Variants in SLC38A10 observed in about 807,000 individuals in gnomAD.
SLC38A10 encodes the protein Sodium-coupled neutral amino acid transporter 10.
A neutral mutation model predicts 81.0 loss-of-function variants in SLC38A10; 53 were observed. The ratio of observed to expected loss-of-function variants is 0.65; its 90% confidence interval spans 0.53 to 0.82. The LOEUF (loss-of-function observed/expected upper bound fraction) is 0.82. Ranked by LOEUF, SLC38A10 falls within the 40% of genes least tolerant of loss-of-function variation. The probability of loss-of-function intolerance (pLI) is 0.00; values close to 1 mark genes in which losing one functional copy is unlikely to be tolerated. For missense variants in SLC38A10, 1,471 were observed against 1,545.0 expected, an observed-to-expected ratio of 0.95 and a Z score of 0.80; for synonymous variants, 665 against 655.3, an observed-to-expected ratio of 1.01 and a Z score of -0.23.
intron 6 of SLC38A10, chr17:81,280,270 C>T: frequency 2.2e-6 from 1 of 452,130 alleles, no homozygotes; most frequent in South Asian, 1.8e-5. Context: ...ATTCTCAGAA[C>T]AGCTAAATTC....
chr17:81,283,293 T>C lies in SLC38A10; in HGVS notation c.357+116A>G. 3.3e-6 allele frequency: 3 copies of C among 899,668 alleles called. No individual in the cohort carries two copies. Among genetic ancestry groups the C allele is most frequent in the Non-Finnish European group, 5.2e-6 (3 of 576,284 alleles). 55.7% of individuals were successfully genotyped at this position (899,668 alleles called of 1,614,324 possible). A position where few individuals can be genotyped will look rare whatever the true frequency, so the allele number is the denominator to read the frequency against. On this transcript the variant is annotated intron_variant, in intron 4 of 15. Transcript: ENST00000374759. This position sits in a 1 kb window ranked among gnomAD's most constrained non-coding sequence, Gnocchi z 4.7. ...CCAAGCCCCTAGAATGACAGCAGGC[T>C]CGACAGAAGCTTCTCCCGACCAGCA...
Position 81,246,688 on chromosome 17 carries a change from G to A in SLC38A10, c.2243-15C>T, listed in dbSNP as rs368117868. The A allele has an allele frequency of 9.3e-5, 140 of 1,501,512 alleles. No homozygotes were observed. The highest frequency in any genetic ancestry group is 2.3e-4 in the East Asian group (10 of 42,970). 93.0% of individuals were successfully genotyped at this position (1,501,512 alleles called of 1,614,324 possible). On this transcript the variant is annotated splice_polypyrimidine_tract_variant and intron_variant, in intron 15 of 15. Coordinates refer to ENST00000374759, the MANE Select transcript of SLC38A10 (RefSeq NM_001037984.3). Reference sequence around the variant, plus strand: ...ATGCACCTCCACTGCAAATGAAGTCGGTCATCAATTTAGCCACAGCACTGT... The same window carrying A: ...ATGCACCTCCACTGCAAATGAAGTCAGTCATCAATTTAGCCACAGCACTGT...
chr17:81,260,106 G>T, intron 11 of SLC38A10, 132 bp downstream of exon 11: 2 of 1,147,096 alleles, frequency 1.7e-6, no homozygotes, highest in Non-Finnish European at 2.4e-6. Context: ...GAGGCTGGTG[G>T]CCCCACCCTG....
chr17:81,291,982 C>T (rs1469660168), intron 1 of SLC38A10, among the ~76,000 whole-genome samples: 1 of 152,194 alleles, frequency 6.6e-6, no homozygotes, highest in Admixed American at 6.5e-5. Context: ...GGGAGCTAGT[C>T]ACACGGGTTT....
intron 4 of SLC38A10, 141 bp from the exon 5 acceptor site, chr17:81,282,473 G>A (rs1349517269): frequency 3.3e-6 from 4 of 1,204,900 alleles, no homozygotes; most frequent in Non-Finnish European, 4.6e-6. Context: ...TCTGAGGCTG[G>A]CACACTCGCC....
intron 1 of SLC38A10, among the ~76,000 whole-genome samples, chr17:81,290,380 T>C (rs984056300): frequency 1.3e-5 from 2 of 152,174 alleles, no homozygotes; most frequent in Non-Finnish European, 2.9e-5. Context: ...AACAAGCGAA[T>C]GGATACAAAC....
In SLC38A10 at chr17:81,253,275, C is replaced by A. The variant is rs72860029; in HGVS notation, c.1289-35G>T. 5 of 1,604,678 alleles carry A rather than the reference C, an allele frequency of 3.1e-6. No homozygotes were observed. Among genetic ancestry groups the A allele is most frequent in the East Asian group, 2.2e-5 (1 of 44,644 alleles). On this transcript the variant is annotated intron_variant, in intron 11 of 15. Transcript: ENST00000374759. This position sits in a 1 kb window ranked among gnomAD's most constrained non-coding sequence, Gnocchi z 4.1. ...GGGCACAGTTAGGGAACTGCACTGC[C>A]AAGCAGCTCCAGGAGCGGGGCAGCT...
Position 81,253,255 on chromosome 17 carries a change from C to T in SLC38A10, c.1289-15G>A, listed in dbSNP as rs1468297064. 2 of 1,612,982 alleles carry T rather than the reference C, an allele frequency of 1.2e-6. No homozygotes were observed. The highest frequency in any genetic ancestry group is 1.7e-6 in the Non-Finnish European group (2 of 1,179,686). The stretch of plus-strand genomic sequence containing the variant: ...CGGATCCTGGGCTGGGAGCAGGGCA[C>T]AGTTAGGGAACTGCACTGCCAAGCA... On this transcript the variant is annotated splice_polypyrimidine_tract_variant and intron_variant, in intron 11 of 15. Transcript: ENST00000374759. This position sits in a 1 kb window ranked among gnomAD's most constrained non-coding sequence, Gnocchi z 4.1.
At position 81,246,828 on chromosome 17, in the gene SLC38A10, G is replaced by A; in HGVS notation, c.2242+57C>T. 9.8e-6 allele frequency: 15 copies of A among 1,532,312 alleles called. 1 individual carries two copies. The South Asian group carries it at 1.9e-4, about 19-fold the overall frequency. The allele number at this position is 1,532,312 out of a possible 1,614,324, so 94.9% of individuals were successfully genotyped here. Reference sequence around the variant, plus strand: ...CGAGCCTCAGACCCAGCCGCATGAGGACAGCAGGAGACCCCCTGCCTGGCC... The same window carrying A: ...CGAGCCTCAGACCCAGCCGCATGAGAACAGCAGGAGACCCCCTGCCTGGCC... On this transcript the variant is annotated intron_variant, in intron 15 of 15. Coordinates refer to ENST00000374759, the MANE Select transcript of SLC38A10 (RefSeq NM_001037984.3).
chr17:81,246,740 G>A, intron 15 of SLC38A10, 67 bp from the exon 16 acceptor site: 1 of 1,500,516 alleles, frequency 6.7e-7, no homozygotes, highest in South Asian at 1.4e-5. Flanking sequence ...GAGGGGCTCA[G>A]AAGAACCAGC....
rs374260593 is a variant in SLC38A10 at position 81,282,176 on chromosome 17, G to A, written c.501+13C>T. 1,052 of 1,612,398 alleles carry A rather than the reference G, an allele frequency of 6.5e-4. 2 individuals are homozygous for A. Among genetic ancestry groups the A allele is most frequent in the Non-Finnish European group, 8.1e-4 (959 of 1,179,192 alleles). On this transcript the variant is annotated intron_variant, in intron 5 of 15. Transcript: ENST00000374759. ...AGCCTTTCAGCGGGTACCCACGCGC[G>A]CTGCCGACTCACCACGAACATGAAC...
chr17:81,270,889 G>A lies in SLC38A10; in HGVS notation c.1131+29C>T, dbSNP rs757963119. 2.4e-5 allele frequency: 39 copies of A among 1,604,786 alleles called. No individual in the cohort carries two copies. Among genetic ancestry groups the A allele is most frequent in the Non-Finnish European group, 3.2e-5 (37 of 1,172,094 alleles). On this transcript the variant is annotated intron_variant, in intron 10 of 15. Transcript: ENST00000374759. The surrounding 1 kb of genome is among the most constrained non-coding windows in gnomAD (Gnocchi z 4.0). Reference sequence around the variant, plus strand: ...CCCCAGCCCAGACCCATCAGCCCTCGTCCAGGCCACCCCACGAGCAGCACG... The same window carrying A: ...CCCCAGCCCAGACCCATCAGCCCTCATCCAGGCCACCCCACGAGCAGCACG...
chr17:81,247,330 T>C (rs2062861852), intron 14 of SLC38A10: 1 of 349,534 alleles, frequency 2.9e-6, no homozygotes, highest in Non-Finnish European at 5.2e-6. Flanking sequence ...CCAGCCACTG[T>C]GCCGCATCAG....
chr17:81,250,845 C>A (rs1161392986), intron 14 of SLC38A10: 1 of 1,022,648 alleles, frequency 9.8e-7, no homozygotes, highest in African/African-American at 1.7e-5. Flanking sequence ...AAAAAGCCAA[C>A]AGCTGAGACC....
chr17:81,256,176 G>A (rs1211182864), intron 11 of SLC38A10, among the ~76,000 whole-genome samples: 3 of 152,270 alleles, frequency 2.0e-5, no homozygotes, highest in Non-Finnish European at 4.4e-5. Context: ...AGCCACGGCG[G>A]AGGCGGATCC....
In SLC38A10 at chr17:81,246,293, C is replaced by T. The variant is rs745796445; in HGVS notation, c.2623G>A (p.Ala875Thr). Residue 875 changes from alanine to threonine, a missense_variant, in exon 16 of 16, where the codon GCA becomes ACA. Ala to Thr is a moderately conservative substitution (Grantham distance 58). This residue lies in a region of SLC38A10 where 751 missense variants were observed against 717.4 expected (regional missense o/e 1.05). Coordinates refer to ENST00000374759, the MANE Select transcript of SLC38A10 (RefSeq NM_001037984.3). ...TGACTTTGCCCAGGGAATTCCTCTG[C>T]GAGGCGCTCCTCTGGGCCCCCGGCT... is the stretch of plus-strand genomic sequence containing the variant. The part of the protein sequence containing the change: ...REAGGPEERL[A>T]EEFPGQSQDV... The T allele has an allele frequency of 6.6e-5, 106 of 1,611,792 alleles. No individual in the cohort carries two copies. Among genetic ancestry groups the T allele is most frequent in the Middle Eastern group, 1.7e-4 (1 of 6,036 alleles).
rs773781212 is a variant in SLC38A10 at position 81,252,410 on chromosome 17, G to A, written c.1730C>T (p.Pro577Leu). The A allele has an allele frequency of 1.2e-6, 2 of 1,613,158 alleles. No homozygotes were observed. The highest frequency in any genetic ancestry group is 1.7e-5 in the Admixed American group (1 of 60,022). The stretch of plus-strand genomic sequence containing the variant: ...ACCATCTGCTTCTGGAACTTTCTGG[G>A]GATCTTCAGGAAGATCACCCGCCTC... ...LEEAGDLPED[P>L]QKVPEADGQP... Residue 577 changes from proline to leucine, a missense_variant, in exon 13 of 16, where the codon CCC becomes CTC. Around this residue, in one of 2 missense-constraint regions of SLC38A10, gnomAD observed 720 missense variants for 827.7 expected, o/e 0.87. Coordinates refer to ENST00000374759, the MANE Select transcript of SLC38A10 (RefSeq NM_001037984.3).
chr17:81,263,812 A>G (rs2063045568), intron 10 of SLC38A10: 1 of 152,348 alleles, frequency 6.6e-6, no homozygotes, highest in Non-Finnish European at 1.5e-5. Flanking sequence ...GCAGTGACCA[A>G]ATCCCAGTCT....
At chr17:81,268,405 T>C (rs2063087748) in intron 10 of SLC38A10, among the ~76,000 whole-genome samples, 1 of 152,098 alleles carries the variant, frequency 6.6e-6, no homozygotes, top group Admixed American at 6.5e-5. Context: ...TCTTCTTCTT[T>C]TTTTTCTTTT....
Sources: allele counts gnomAD v4.1 joint callset (sites outside exome capture counted in the v4.1 genomes callset), GRCh38; gene constraint gnomAD v4.1.1; regional missense constraint gnomAD v4.1.1; non-coding constraint Gnocchi (gnomAD v3.1); transcripts MANE v1.5; gene names NCBI Gene and HGNC (gene_info 2026-07-23, HGNC 2026-07-21).